Variants in CACNA1F observed in about 807,000 individuals in gnomAD.
CACNA1F encodes the protein calcium voltage-gated channel subunit alpha1 F.
In CACNA1F, 59 loss-of-function variants were observed where a neutral mutation model predicts 143.8. The observed-to-expected ratio is 0.41, with a 90% CI of 0.33 to 0.51. The LOEUF (loss-of-function observed/expected upper bound fraction) is 0.51. CACNA1F is among the 20% of genes least tolerant of loss of function. The probability of loss-of-function intolerance (pLI) is 0.22; values close to 1 mark genes in which losing one functional copy is unlikely to be tolerated. For missense variants in CACNA1F, 1,411 were observed against 1,647.5 expected, an observed-to-expected ratio of 0.86 and a Z score of 2.48; for synonymous variants, 643 against 649.1, an observed-to-expected ratio of 0.99 and a Z score of 0.14.
At chrX:49,205,493 C>T (rs1326098220) in intron 47 of CACNA1F, 123 bp downstream of exon 47, 6 of 854,351 alleles carry the variant, frequency 7.0e-6, no homozygotes, top group South Asian at 4.4e-5. Flanking sequence ...GAGCAGAGGT[C>T]GTAGGGCAAA....
chrX:49,210,748 C>A lies in CACNA1F; in HGVS notation c.4389-62G>T, dbSNP rs2065649708. ...GCCCCCACTAGCCCTTTCTCAAGGCCCCACCAGCTCATCACTACCTCCTCC... is the reference window on the plus strand; with the variant it reads ...GCCCCCACTAGCCCTTTCTCAAGGCACCACCAGCTCATCACTACCTCCTCC... On this transcript the variant is annotated intron_variant, in intron 37 of 47. Transcript: ENST00000323022. 5.1e-6 allele frequency: 5 copies of A among 979,397 alleles called. No individual in the cohort carries two copies. The African/African-American group carries it at 9.4e-5, about 18-fold the overall frequency. 80.7% of individuals were successfully genotyped at this position (979,397 alleles called of 1,213,427 possible).
rs185551369 is a variant in CACNA1F, at chrX:49,209,240, G to A, written c.4953+22C>T. The A allele has an allele frequency of 4.8e-3, 5,769 of 1,202,687 alleles. 20 individuals carry two copies. The highest frequency in any genetic ancestry group is 5.2e-3 in the Non-Finnish European group (4,644 of 889,865). On this transcript the variant is annotated intron_variant, in intron 42 of 47. Transcript: ENST00000323022. ...AAGTATTTTACAATCAAGTTCCTGG[G>A]AGAGTGAAAACTTGTCCCCACTTTG... is the stretch of plus-strand genomic sequence containing the variant.
At position 49,205,247 on chromosome X, in the gene CACNA1F, C is replaced by A. The variant is rs1170554523; in HGVS notation, c.5791G>T (p.Asp1931Tyr). ...GAGCTGGTTCCCTGTGCCAGCAGGT[C>A]ACTGGCAGCATTGTCCATCTCATCC... ...TLDEMDNAAS[D>Y]LLAQGTSSLY... Residue 1931 changes from aspartate (D) to tyrosine (Y), a missense_variant, in exon 48 of 48, where the codon GAC becomes TAC. Coordinates refer to ENST00000323022, the MANE Select transcript of CACNA1F (RefSeq NM_001256789.3). 1.7e-6 allele frequency: 2 copies of A among 1,205,849 alleles called. No homozygotes were observed. The highest frequency in any genetic ancestry group is 2.2e-6 in the Non-Finnish European group (2 of 890,563).
At chrX:49,232,074 A>G in intron 1 of CACNA1F, 147 bp from the exon 2 acceptor site, 1 of 542,637 alleles carries the variant, frequency 1.8e-6, no homozygotes, top group Non-Finnish European at 2.9e-6. Flanking sequence ...AAGGACTGGG[A>G]AGTAAGAGTG....
chrX:49,212,371 C>T (rs2065665768), intron 33 of CACNA1F, 63 bp from the exon 34 acceptor site: 2 of 933,858 alleles, frequency 2.1e-6, no homozygotes, highest in East Asian at 6.2e-5. Context: ...AACTATAAGC[C>T]CCAGAATGCA....
intron 4 of CACNA1F, 115 bp downstream of exon 4, chrX:49,230,735 T>C: frequency 1.9e-6 from 2 of 1,077,402 alleles, no homozygotes; most frequent in South Asian, 4.1e-5. Context: ...ATAATATTCC[T>C]GATTCTGGCT....
intron 31 of CACNA1F, among the ~76,000 whole-genome samples, chrX:49,213,400 A>G (rs1557106709): frequency 1.8e-5 from 2 of 111,727 alleles, no homozygotes. Flanking sequence ...GATATAGTCA[A>G]TGGTGATGAC....
In CACNA1F at chrX:49,228,283, TGACACACTGGAA is replaced by T; in HGVS notation, c.970_981del (p.Phe324_Val327del). ...AGCACATCGGTCCAGCCTTCCATGGTGACACACTGGAAGACTGTCAGCATGGCGAAGAAGAAG... is the reference window on the plus strand; with the variant it reads ...AGCACATCGGTCCAGCCTTCCATGGTGACTGTCAGCATGGCGAAGAAGAAG... On this transcript the variant is annotated inframe_deletion, in exon 7 of 48. Transcript: ENST00000323022. 1 of 1,211,915 alleles carries T rather than the reference TGACACACTGGAA, an allele frequency of 8.3e-7. No homozygotes were observed. The highest frequency in any genetic ancestry group is 1.1e-6 in the Non-Finnish European group (1 of 895,309).
intron 33 of CACNA1F, 119 bp downstream of exon 33, chrX:49,212,548 A>G (rs1323529070): frequency 2.5e-6 from 2 of 811,099 alleles, no homozygotes; most frequent in Non-Finnish European, 3.6e-6. Flanking sequence ...AAATTGGAAT[A>G]ATAATTTGGA....
chrX:49,217,763 T>C lies in CACNA1F; in HGVS notation c.3081A>G (p.Gln1027=). The C allele has an allele frequency of 8.3e-7, 1 of 1,209,139 alleles. No homozygotes were observed. Among genetic ancestry groups the C allele is most frequent in the Non-Finnish European group, 1.1e-6 (1 of 893,676 alleles). Residue 1027 remains glutamine, a synonymous_variant, in exon 26 of 48, where the codon CAA becomes CAG. Coordinates refer to ENST00000323022, the MANE Select transcript of CACNA1F (RefSeq NM_001256789.3). ...TCTDEAKHTP[Q]ECKGSFLVYP... ...GGGTCTTGGGCACTCACTTGCATTCTTGAGGGGTGTGTTTGGCCTCGTCCG... is the reference window on the plus strand; with the variant it reads ...GGGTCTTGGGCACTCACTTGCATTCCTGAGGGGTGTGTTTGGCCTCGTCCG...
intron 47 of CACNA1F, 83 bp downstream of exon 47, chrX:49,205,532 TG>T: frequency 1.0e-6 from 1 of 978,612 alleles, no homozygotes; most frequent in Non-Finnish European, 1.4e-6. Context: ...ACACAGGACC[TG>T]GGGACTCCTT....
rs1476149726 is a variant in CACNA1F at position 49,224,911 on chromosome X, G to C, written c.1727C>G (p.Ala576Gly). 1 of 1,206,642 alleles carries C rather than the reference G, an allele frequency of 8.3e-7. No homozygotes were observed. The highest frequency in any genetic ancestry group is 1.8e-5 in the African/African-American group (1 of 56,956). Residue 576 changes from alanine (A) to glycine (G), a missense_variant, in exon 14 of 48, where the codon GCC (alanine) becomes GGC (glycine). Coordinates refer to ENST00000323022, the MANE Select transcript of CACNA1F (RefSeq NM_001256789.3). ...LLKLYGLGPS[A>G]YVSSFFNRFD... is the part of the protein sequence containing the mutation. ...GCGGTTGAAGAAGGAAGACACATAG[G>C]CAGAGGGGCCCAGACCGTACAATTT...
rs141521080 is a variant in CACNA1F at position 49,205,709 on chromosome X, G to C, written c.5577C>G (p.Gly1859=). 8.3e-7 allele frequency: 1 copy of C among 1,205,081 alleles called. No individual in the cohort carries two copies. The highest frequency in any genetic ancestry group is 2.2e-5 in the Admixed American group (1 of 45,537). Residue 1859 remains glycine, a synonymous_variant, in exon 47 of 48, where the codon GGC becomes GGG. Transcript: ENST00000323022. ...AGEGYLGRSS[G]PLRTFTCLHV... is the part of the protein sequence containing the mutation. ...GCAGACAGGTGAAGGTGCGCAGTGG[G>C]CCACTGGATCTGCCGAGGTACCCCT...
At chrX:49,219,612 C>G in intron 20 of CACNA1F, 22 bp downstream of exon 20, 1 of 1,193,646 alleles carries the variant, frequency 8.4e-7, no homozygotes, top group Non-Finnish European at 1.1e-6. Flanking sequence ...CTGCCTCACC[C>G]CCTGCCACTT....
chrX:49,222,453 G>T, intron 17 of CACNA1F, 69 bp downstream of exon 17: 1 of 870,012 alleles, frequency 1.1e-6, no homozygotes, highest in Non-Finnish European at 1.7e-6. Flanking sequence ...CTGGTGGTGG[G>T]GGTGTCTGAG....
At chrX:49,225,506 C>T (rs2065814829) in intron 13 of CACNA1F, among the ~76,000 whole-genome samples, 1 of 110,965 alleles carries the variant, frequency 9.0e-6, no homozygotes, top group African/African-American at 3.3e-5. Flanking sequence ...GAGAACTTTT[C>T]CAGACAGTGT....
chrX:49,209,573 C>T, intron 41 of CACNA1F, 56 bp downstream of exon 41: 1 of 1,199,140 alleles, frequency 8.3e-7, no homozygotes. Flanking sequence ...TGGGGGTCAG[C>T]CTCAGCCACA....
chrX:49,206,175 C>G (rs2065593466), intron 46 of CACNA1F, among the ~76,000 whole-genome samples: 1 of 109,766 alleles, frequency 9.1e-6, no homozygotes, highest in Non-Finnish European at 1.9e-5. Flanking sequence ...GGCGGATCAC[C>G]TGAGGTCAGG....
chrX:49,227,972 G>T (rs1557110387), intron 8 of CACNA1F, 64 bp downstream of exon 8: 7 of 756,901 alleles, frequency 9.2e-6, no homozygotes, highest in Non-Finnish European at 1.4e-5. Flanking sequence ...CTAGGAGTTT[G>T]CCAGGCACAA....
Sources: allele counts gnomAD v4.1 joint callset (sites outside exome capture counted in the v4.1 genomes callset), GRCh38; gene constraint gnomAD v4.1.1; transcripts MANE v1.5; gene names NCBI Gene and HGNC (gene_info 2026-07-23, HGNC 2026-07-21).